BATF: variants seen among roughly 807,000 people sequenced by gnomAD.
BATF encodes basic leucine zipper transcriptional factor ATF-like.
BATF carries 5 observed loss-of-function variants against 13.7 expected under a neutral mutation model. The ratio of observed to expected loss-of-function variants is 0.36; its 90% CI spans 0.19 to 0.77. The LOEUF is 0.77. BATF is among the 30% of genes least tolerant of loss of function. The pLI is 0.51. For synonymous variants in BATF, 72 were observed against 67.5 expected (o/e 1.07, Z -0.33); for missense variants, 124 against 163.0 (o/e 0.76, Z 1.30).
At chr14:75,529,793 C>T (rs141858250) in intron 2 of BATF, among the ~76,000 whole-genome samples, 33 of 152,266 alleles carry the variant, frequency 2.2e-4, no homozygotes, top group African/African-American at 6.5e-4. Flanking sequence ...GGGCCGGGCG[C>T]GGCGGCTCAC....
chr14:75,526,371 C>G (rs1295051326), intron 2 of BATF, among the ~76,000 whole-genome samples: 1 of 152,178 alleles, frequency 6.6e-6, no homozygotes, highest in East Asian at 1.9e-4. Context: ...CCTCTAATAG[C>G]CTAGCAATTC....
At chr14:75,533,351 C>T (rs1282099939) in intron 2 of BATF, among the ~76,000 whole-genome samples, 1 of 150,504 alleles carries the variant, frequency 6.6e-6, no homozygotes, top group African/African-American at 2.5e-5. Context: ...CGGCATGAAC[C>T]TGGGAGGCGG....
At chr14:75,540,765 G>C (rs1233323338) in intron 2 of BATF, among the ~76,000 whole-genome samples, 1 of 152,180 alleles carries the variant, frequency 6.6e-6, no homozygotes, top group Non-Finnish European at 1.5e-5. Flanking sequence ...TTAAAAGAGT[G>C]ATTGGCACAC....
chr14:75,523,182 G>C (rs1373887809), intron 1 of BATF, among the ~76,000 whole-genome samples: 1 of 145,674 alleles, frequency 6.9e-6, no homozygotes, highest in African/African-American at 2.6e-5. Context: ...CAATAGGGAA[G>C]GGGAGAAAAG....
intron 1 of BATF, among the ~76,000 whole-genome samples, chr14:75,523,803 G>A (rs929546263): frequency 4.6e-5 from 7 of 152,104 alleles, no homozygotes; most frequent in African/African-American, 1.7e-4. Context: ...CTCTAATAAC[G>A]GAGCAGCAGG....
chr14:75,546,598 C>G lies in BATF; in HGVS notation c.305C>G (p.Ser102Trp). The change falls in exon 3 of 3, where the codon TCG (serine) becomes TGG (tryptophan). Residue 102 changes from serine (S) to tryptophan (W), a missense_variant. Around this residue, in one of 2 missense-constraint regions of BATF, gnomAD observed 59 missense variants for 49.7 expected, o/e 1.19. Coordinates refer to ENST00000286639, the MANE Select transcript of BATF (RefSeq NM_006399.5). ...TCGGTGCTGGCCGCCAGCACGCCCT[C>G]GCCCCCCGAGGTGGTGTACAGCGCC... Reference protein sequence around the residue: ...LCSVLAASTPSPPEVVYSAHA... With the variant: ...LCSVLAASTPWPPEVVYSAHA... 6.2e-7 allele frequency: 1 copy of G among 1,613,968 alleles called. No individual in the cohort carries two copies. Among genetic ancestry groups the G allele is most frequent in the Non-Finnish European group, 8.5e-7 (1 of 1,179,946 alleles).
rs1428294689 is a variant in BATF, at chr14:75,536,742, A to ATAAAATAAAATAAAT, written c.169-9706_169-9705insTTAAAATAAAATAAA. Among the ~76,000 whole-genome samples the ATAAAATAAAATAAAT allele has an allele frequency of 2.6e-5, 4 of 151,318 alleles. No homozygotes were observed. The East Asian group carries it at 7.7e-4, about 29-fold the overall frequency. On this transcript the variant is annotated intron_variant, in intron 2 of 2. Transcript: ENST00000286639. ...TGTCTTTAAAATAAAATAAAATAAAATAAAATAAAATAAAATAAAGGCAAT... is the reference window on the plus strand; with the variant it reads ...TGTCTTTAAAATAAAATAAAATAAAATAAAATAAAATAAATTAAAATAAAATAAAATAAAGGCAAT...
chr14:75,533,342 G>A (rs888655531), intron 2 of BATF, among the ~76,000 whole-genome samples: 5 of 151,374 alleles, frequency 3.3e-5, no homozygotes, highest in Non-Finnish European at 5.9e-5. Context: ...GCAGGAGAAC[G>A]GCATGAACCT....
chr14:75,527,069 G>A lies in BATF; in HGVS notation c.168+1881G>A, dbSNP rs1887664320. ...TGCCTACTATCTGTGTGACAGAGAC[G>A]TTCTTGGCCTCCCTTGGGCTTGGTT... On this transcript the variant is annotated intron_variant, in intron 2 of 2. Transcript: ENST00000286639. Among the ~76,000 whole-genome samples the A allele has an allele frequency of 3.3e-5, 5 of 152,132 alleles. No individual in the cohort carries two copies. The South Asian group carries it at 8.3e-4, about 25-fold the overall frequency.
intron 1 of BATF, among the ~76,000 whole-genome samples, chr14:75,523,407 C>T (rs963046098): frequency 6.6e-6 from 1 of 152,082 alleles, no homozygotes; most frequent in African/African-American, 2.4e-5. Context: ...GAGGAGGTGG[C>T]TCTGGAAATT....
rs145411258 is a variant in BATF at position 75,546,585 on chromosome 14, G to T, written c.292G>T (p.Ala98Ser). The T allele has an allele frequency of 3.0e-5, 48 of 1,613,876 alleles. No individual in the cohort carries two copies. The highest frequency in any genetic ancestry group is 3.5e-5 in the Non-Finnish European group (41 of 1,179,956). The change falls in exon 3 of 3, where the codon GCC becomes TCC. Residue 98 changes from alanine (A) to serine (S), a missense_variant. Around this residue, in one of 2 missense-constraint regions of BATF, gnomAD observed 59 missense variants for 49.7 expected, o/e 1.19. Transcript: ENST00000286639. ...CGAGCCCCTGTGCTCGGTGCTGGCC[G>T]CCAGCACGCCCTCGCCCCCCGAGGT... ...SHEPLCSVLA[A>S]STPSPPEVVY...
intron 1 of BATF, among the ~76,000 whole-genome samples, chr14:75,524,621 G>A (rs143422961): frequency 1.3e-3 from 195 of 152,234 alleles, no homozygotes; most frequent in Middle Eastern, 6.8e-3. Flanking sequence ...TTAAACAAGA[G>A]CACTTCTGAA....
Position 75,546,638 on chromosome 14 carries a change from A to G in BATF, c.345A>G (p.Gln115=), listed in dbSNP as rs777866144. 3 of 1,610,636 alleles carry G rather than the reference A, an allele frequency of 1.9e-6. No individual in the cohort carries two copies. The Admixed American group carries it at 5.0e-5, about 27-fold the overall frequency. Residue 115 remains glutamine (Q), a synonymous_variant, in exon 3 of 3, where the codon CAA becomes CAG. Transcript: ENST00000286639. The part of the protein sequence containing the change: ...EVVYSAHAFH[Q]PHVSSPRFQP ...TGTACAGCGCCCACGCATTCCACCAACCTCATGTCAGCTCCCCGCGCTTCC... is the reference window on the plus strand; with the variant it reads ...TGTACAGCGCCCACGCATTCCACCAGCCTCATGTCAGCTCCCCGCGCTTCC...
intron 2 of BATF, among the ~76,000 whole-genome samples, chr14:75,533,427 C>CAAA (rs888084841): frequency 3.1e-5 from 2 of 63,878 alleles, no homozygotes; most frequent in African/African-American, 1.1e-4. Context: ...GACTCCGTCT[C>CAAA]AAAAAAAAAA....
chr14:75,523,802 C>T lies in BATF; in HGVS notation c.63+1057C>T, dbSNP rs182246100. 3.5e-4 allele frequency among the ~76,000 whole-genome samples: 54 copies of T among 152,224 alleles called. No individual in the cohort carries two copies. In the East Asian group the frequency reaches 4.6e-3, roughly 13 times the overall value. ...GGCGTATATCCTAAGCCTCTAATAACGGAGCAGCAGGCTGGGATGAGTCTG... is the reference window on the plus strand; with the variant it reads ...GGCGTATATCCTAAGCCTCTAATAATGGAGCAGCAGGCTGGGATGAGTCTG... On this transcript the variant is annotated intron_variant, in intron 1 of 2. Transcript: ENST00000286639.
intron 2 of BATF, among the ~76,000 whole-genome samples, chr14:75,534,515 A>T (rs913257211): frequency 4.6e-5 from 7 of 152,140 alleles, no homozygotes; most frequent in Non-Finnish European, 8.8e-5. Flanking sequence ...AACCAAAAAT[A>T]TTTCCAGAAC....
rs187502439 is a variant in BATF, at chr14:75,546,700, G to T, written c.*29G>T. The T allele has an allele frequency of 2.4e-5, 37 of 1,533,282 alleles. No individual in the cohort carries two copies. The African/African-American group carries it at 3.7e-4, about 15-fold the overall frequency. The allele number at this position is 1,533,282 out of a possible 1,614,324, so 95.0% of individuals were successfully genotyped here. A position where few individuals can be genotyped will look rare whatever the true frequency, so the allele number is the denominator to read the frequency against. On this transcript the variant is annotated 3_prime_UTR_variant, in exon 3 of 3. Coordinates refer to ENST00000286639, the MANE Select transcript of BATF (RefSeq NM_006399.5). ...TCCGATGCGGGGAGAGCAGAGCCTC[G>T]GGAGGGGCACACAGACTGTGGCAGA...
chr14:75,535,228 A>T lies in BATF; in HGVS notation c.168+10040A>T, dbSNP rs77717290. Reference sequence around the variant, plus strand: ...TGAGACCAAGCTGGGCAACAGAGTGAGATCCTGTCTCTACAAAATATAAAA... The same window carrying T: ...TGAGACCAAGCTGGGCAACAGAGTGTGATCCTGTCTCTACAAAATATAAAA... On this transcript the variant is annotated intron_variant, in intron 2 of 2. Coordinates refer to ENST00000286639, the MANE Select transcript of BATF (RefSeq NM_006399.5). 8.8e-4 allele frequency among the ~76,000 whole-genome samples: 134 copies of T among 152,284 alleles called. 5 individuals carry two copies. In the East Asian group the frequency reaches 0.019, roughly 22 times the overall value.
chr14:75,546,282 C>T (rs1044607289), intron 2 of BATF, among the ~76,000 whole-genome samples, 180 bp from the exon 3 acceptor site: 1 of 152,198 alleles, frequency 6.6e-6, no homozygotes, highest in Non-Finnish European at 1.5e-5. Context: ...CGCCCATACA[C>T]ACCTACAAAC....
Sources: allele counts gnomAD v4.1 joint callset (sites outside exome capture counted in the v4.1 genomes callset), GRCh38; gene constraint gnomAD v4.1.1; regional missense constraint gnomAD v4.1.1; transcripts MANE v1.5; gene names NCBI Gene and HGNC (gene_info 2026-07-23, HGNC 2026-07-21).